Variants in NELL1 observed in about 807,000 individuals in gnomAD.
The protein encoded by NELL1 is neural EGFL like 1.
In NELL1, 76 loss-of-function variants were observed where a neutral mutation model predicts 107.4. That is an observed-to-expected ratio of 0.71 (90% CI 0.59 to 0.86). The LOEUF (loss-of-function observed/expected upper bound fraction) is 0.86. Ranked by LOEUF, NELL1 falls within the 40% of genes least tolerant of loss-of-function variation. The pLI is 0.00. For missense variants in NELL1, 1,024 were observed against 1,005.5 expected (o/e 1.02, Z -0.25); for synonymous variants, 353 against 341.2 (o/e 1.03, Z -0.38).
chr11:20,699,086 G>T (rs143833195), intron 2 of NELL1, among the ~76,000 whole-genome samples: 2,643 of 151,798 alleles, frequency 0.017, 37 homozygotes, highest in South Asian at 0.046. Flanking sequence ...GCATGGTGGC[G>T]CACATCTGTA....
chr11:21,359,599 A>G (rs767504536), intron 14 of NELL1, among the ~76,000 whole-genome samples: 2 of 152,130 alleles, frequency 1.3e-5, no homozygotes, highest in African/African-American at 2.4e-5. Flanking sequence ...TCAATGTCTA[A>G]TAGAAGTCAG....
intron 14 of NELL1, chr11:21,260,350 G>C (rs1364110615): frequency 6.6e-6 from 1 of 151,860 alleles, no homozygotes. Context: ...CTGTCCATGA[G>C]ACTGCTTTTA....
chr11:20,929,951 AAC>A (rs1465611315), intron 9 of NELL1, among the ~76,000 whole-genome samples: 3 of 151,122 alleles, frequency 2.0e-5, no homozygotes, highest in Non-Finnish European at 4.4e-5. Flanking sequence ...CAGCCTGGGC[AAC>A]AGAGTGAGTC....
At chr11:21,364,796 C>T (rs181964757) in intron 14 of NELL1, among the ~76,000 whole-genome samples, 1 of 152,136 alleles carries the variant, frequency 6.6e-6, no homozygotes, top group Non-Finnish European at 1.5e-5. Flanking sequence ...AGGTAACCAA[C>T]AAATCCAAGA....
chr11:21,028,760 G>T (rs527661503), intron 12 of NELL1, among the ~76,000 whole-genome samples: 1 of 151,990 alleles, frequency 6.6e-6, no homozygotes, highest in South Asian at 2.1e-4. Flanking sequence ...ATTTTGTGCT[G>T]TTTGCAGTGT....
chr11:20,912,814 T>C (rs1217564357), intron 5 of NELL1, among the ~76,000 whole-genome samples: 1 of 152,166 alleles, frequency 6.6e-6, no homozygotes, highest in Non-Finnish European at 1.5e-5. Flanking sequence ...GGTAAACATA[T>C]GTTTATAGGC....
chr11:21,575,380 T>A lies in NELL1; in HGVS notation c.*358T>A, dbSNP rs946081401. On this transcript the variant is annotated 3_prime_UTR_variant, in exon 20 of 20. Transcript: ENST00000357134. The stretch of plus-strand genomic sequence containing the variant: ...TGGTTTATTTTGTGTACTAACATAA[T>A]AGAGAGAGACTCAGCTCCTTTTATT... The A allele has an allele frequency of 1.6e-5, 3 of 185,454 alleles. No homozygotes were observed. Among genetic ancestry groups the A allele is most frequent in the African/African-American group, 7.0e-5 (3 of 42,624 alleles). 11.5% of individuals were successfully genotyped at this position (185,454 alleles called of 1,614,324 possible). A position where few individuals can be genotyped will look rare whatever the true frequency, so the allele number is the denominator to read the frequency against.
intron 4 of NELL1, among the ~76,000 whole-genome samples, chr11:20,881,906 A>G (rs1017349616): frequency 6.6e-6 from 1 of 152,212 alleles, no homozygotes. Context: ...GCAATCAGCT[A>G]TTTGCTGATG....
intron 5 of NELL1, 131 bp from the exon 6 acceptor site, chr11:20,918,051 G>T: frequency 2.9e-6 from 2 of 678,388 alleles, no homozygotes; most frequent in Non-Finnish European, 2.7e-6. Flanking sequence ...ATATACTAAG[G>T]CCAGCTCACC....
At position 21,390,248 on chromosome 11, in the gene NELL1, T is replaced by C. The variant is rs370898711; in HGVS notation, c.1645+19300T>C. Among the ~76,000 whole-genome samples, 269 of 151,740 alleles carry C rather than the reference T, an allele frequency of 1.8e-3. 9 individuals carry two copies. The South Asian group carries it at 0.053, about 30-fold the overall frequency. ...GCCCTTTTATTTATTGTGCTACCTG[T>C]TCTTTTTGAAAGCACAAAGTTTTAA... On this transcript the variant is annotated intron_variant, in intron 15 of 19. Transcript: ENST00000357134.
intron 3 of NELL1, among the ~76,000 whole-genome samples, chr11:20,841,025 A>G (rs988533583): frequency 2.0e-5 from 3 of 152,082 alleles, no homozygotes; most frequent in African/African-American, 7.2e-5. Context: ...CTTCGGTTTC[A>G]TGTTTCTGTA....
chr11:20,870,625 A>G (rs1455856770), intron 4 of NELL1, among the ~76,000 whole-genome samples: 6 of 152,214 alleles, frequency 3.9e-5, no homozygotes, highest in African/African-American at 1.2e-4. Context: ...TTGGAACTTC[A>G]TCAGACACTT....
intron 14 of NELL1, among the ~76,000 whole-genome samples, chr11:21,369,323 T>G (rs1304075938): frequency 1.3e-5 from 2 of 151,676 alleles, no homozygotes; most frequent in African/African-American, 4.8e-5. Flanking sequence ...GTATTTTATA[T>G]ATTTCGTTTT....
At chr11:20,745,348 A>C (rs74996710) in intron 2 of NELL1, among the ~76,000 whole-genome samples, 5,309 of 152,296 alleles carry the variant, frequency 0.035, 299 homozygotes, top group African/African-American at 0.12. Flanking sequence ...ATGACCCATT[A>C]CAATCTAAAT....
rs551968027 is a variant in NELL1, at chr11:21,035,378, C to T, written c.1300+74818C>T. 2.6e-5 allele frequency among the ~76,000 whole-genome samples: 4 copies of T among 151,862 alleles called. No individual in the cohort carries two copies. In the East Asian group the frequency reaches 5.8e-4, roughly 22 times the overall value. On this transcript the variant is annotated intron_variant, in intron 12 of 19. Coordinates refer to ENST00000357134, the MANE Select transcript of NELL1 (RefSeq NM_006157.5). ...GACTCTTCTCTAACATGCTATGAGG[C>T]CAGCATCATCCTAATACCAAAACCT...
chr11:20,974,571 T>G (rs1164277087), intron 12 of NELL1, among the ~76,000 whole-genome samples: 1 of 152,212 alleles, frequency 6.6e-6, no homozygotes. Flanking sequence ...ATATTTTCTC[T>G]GAATTTGTTT....
At chr11:21,287,436 G>T (rs577598361) in intron 14 of NELL1, among the ~76,000 whole-genome samples, 1 of 152,112 alleles carries the variant, frequency 6.6e-6, no homozygotes, top group East Asian at 1.9e-4. Flanking sequence ...TTATTCAAAG[G>T]CTTCATTTTT....
At chr11:20,950,102 C>T (rs552626507) in intron 11 of NELL1, among the ~76,000 whole-genome samples, 2 of 152,250 alleles carry the variant, frequency 1.3e-5, no homozygotes, top group South Asian at 4.1e-4. Context: ...ATATTACTCC[C>T]ATCTCAGAGT....
chr11:21,260,126 A>G (rs984917204), intron 14 of NELL1: 1 of 151,946 alleles, frequency 6.6e-6, no homozygotes, highest in Non-Finnish European at 1.5e-5. Flanking sequence ...GTCTTATCAC[A>G]TAATATTCTT....
Sources: allele counts gnomAD v4.1 joint callset (sites outside exome capture counted in the v4.1 genomes callset), GRCh38; gene constraint gnomAD v4.1.1; transcripts MANE v1.5; gene names NCBI Gene and HGNC (gene_info 2026-07-23, HGNC 2026-07-21).